The following MGMT variants were observed in gnomAD, a reference collection of about 807,000 sequenced individuals.
MGMT encodes the protein methylated-DNA--protein-cysteine methyltransferase.
MGMT carries 14 observed loss-of-function variants against 15.9 expected under a neutral mutation model. The ratio of observed to expected loss-of-function variants is 0.88; its 90% CI spans 0.58 to 1.37. The LOEUF (loss-of-function observed/expected upper bound fraction) is 1.37, where lower values mean the gene tolerates loss of function less well. Ranked by LOEUF, MGMT falls within the 40% of genes most tolerant of loss-of-function variation. The probability of loss-of-function intolerance (pLI) is 0.00; values close to 1 mark genes in which losing one functional copy is unlikely to be tolerated. For missense variants in MGMT, 282 were observed against 268.1 expected (o/e 1.05, Z -0.36); for synonymous variants, 130 against 118.2 (o/e 1.10, Z -0.65).
intron 2 of MGMT, among the ~76,000 whole-genome samples, chr10:129,655,116 C>G (rs1452222440): frequency 6.6e-6 from 1 of 152,160 alleles, no homozygotes. Flanking sequence ...GTGCACCCAC[C>G]CGGAGGTATG....
Position 129,569,332 on chromosome 10 carries a change from G to A in MGMT, c.125+32955G>A, listed in dbSNP as rs558054168. 5.9e-5 allele frequency among the ~76,000 whole-genome samples: 9 copies of A among 152,318 alleles called. No homozygotes were observed. In the South Asian group the frequency reaches 1.2e-3, roughly 21 times the overall value. Reference sequence around the variant, plus strand: ...GGAAATAGTGACAACAGTAGTTGGCGTTGTCATCCTGTTTACGGCTAGCCT... The same window carrying A: ...GGAAATAGTGACAACAGTAGTTGGCATTGTCATCCTGTTTACGGCTAGCCT... On this transcript the variant is annotated intron_variant, in intron 2 of 4. Transcript: ENST00000651593.
intron 3 of MGMT, among the ~76,000 whole-genome samples, chr10:129,742,139 G>C (rs1023978777): frequency 6.6e-6 from 1 of 152,214 alleles, no homozygotes; most frequent in African/African-American, 2.4e-5. Context: ...TGGCTCGAGC[G>C]CTGAGCTGCA....
rs116644869 is a variant in MGMT at position 129,613,661 on chromosome 10, T to C, written c.125+77284T>C. ...TGTTTTAATAAAAAGGTCTAAAACA[T>C]TTACCATTTAAATGAGCCTCCCTTC... is the stretch of plus-strand genomic sequence containing the variant. On this transcript the variant is annotated intron_variant, in intron 2 of 4. Coordinates refer to ENST00000651593, the MANE Select transcript of MGMT (RefSeq NM_002412.5). 4.0e-3 allele frequency among the ~76,000 whole-genome samples: 609 copies of C among 152,344 alleles called. 5 individuals are homozygous for C. The highest frequency in any genetic ancestry group is 0.014 in the African/African-American group (578 of 41,580).
Position 129,728,135 on chromosome 10 carries a change from G to A in MGMT, c.274+20092G>A, listed in dbSNP as rs369838636. On this transcript the variant is annotated intron_variant, in intron 3 of 4. Transcript: ENST00000651593. ...GGTGCTGGGTGAGAGAGGGAGGAGG[G>A]GACATGGAGCCAGCACCAGGGGACA... is the stretch of plus-strand genomic sequence containing the variant. Among the ~76,000 whole-genome samples, 5 of 152,128 alleles carry A rather than the reference G, an allele frequency of 3.3e-5. No homozygotes were observed. The East Asian group carries it at 5.8e-4, about 18-fold the overall frequency.
intron 2 of MGMT, among the ~76,000 whole-genome samples, chr10:129,686,651 C>G (rs1458555648): frequency 6.6e-6 from 1 of 152,218 alleles, no homozygotes; most frequent in Non-Finnish European, 1.5e-5. Flanking sequence ...ACATGTGCCA[C>G]CGTGCCCGGC....
intron 1 of MGMT, among the ~76,000 whole-genome samples, chr10:129,479,888 T>C (rs976020376): frequency 1.3e-5 from 2 of 152,150 alleles, no homozygotes; most frequent in Non-Finnish European, 2.9e-5. Flanking sequence ...TTAAAACTTA[T>C]GAGGGATCCC....
intron 2 of MGMT, among the ~76,000 whole-genome samples, chr10:129,680,827 G>A (rs955597675): frequency 6.6e-6 from 1 of 152,188 alleles, no homozygotes; most frequent in Admixed American, 6.5e-5. Context: ...GCCACTCCGT[G>A]AGGGTAGATG....
chr10:129,648,624 T>C lies in MGMT; in HGVS notation c.126-59271T>C, dbSNP rs915793427. On this transcript the variant is annotated intron_variant, in intron 2 of 4. Transcript: ENST00000651593. ...GTTTAACATTGATTTCTAAAAGAAA[T>C]GATTCTGACTTTGCCGCTAAGTTTC... Among the ~76,000 whole-genome samples, 6 of 152,360 alleles carry C rather than the reference T, an allele frequency of 3.9e-5. No individual in the cohort carries two copies. In the East Asian group the frequency reaches 1.2e-3, roughly 29 times the overall value.
intron 3 of MGMT, among the ~76,000 whole-genome samples, chr10:129,741,722 C>T (rs1487768178): frequency 6.6e-6 from 1 of 152,238 alleles, no homozygotes; most frequent in African/African-American, 2.4e-5. Context: ...ACTCAGCTTT[C>T]TCATGCATCC....
chr10:129,768,697 C>T lies in MGMT; in HGVS notation c.*1700C>T, dbSNP rs1255810527. 4 of 152,318 alleles carry T rather than the reference C, an allele frequency of 2.6e-5. No individual in the cohort carries two copies. The highest frequency in any genetic ancestry group is 2.1e-4 in the South Asian group (1 of 4,836). 9.4% of individuals were successfully genotyped at this position (152,318 alleles called of 1,614,324 possible). A position where few individuals can be genotyped will look rare whatever the true frequency, so the allele number is the denominator to read the frequency against. The stretch of plus-strand genomic sequence containing the variant: ...GGCCTGGTGGCCCGGGTGTGCGAGC[C>T]GCGAGTGCTTTCCAACAGAGGGCAC... On this transcript the variant is annotated 3_prime_UTR_variant, in exon 5 of 5. Transcript: ENST00000651593.
chr10:129,641,190 A>C (rs1847324572), intron 2 of MGMT, among the ~76,000 whole-genome samples: 1 of 152,244 alleles, frequency 6.6e-6, no homozygotes, highest in African/African-American at 2.4e-5. Flanking sequence ...TGAATATTGG[A>C]TACTAAAATT....
chr10:129,517,493 C>G (rs1845751486), intron 1 of MGMT, among the ~76,000 whole-genome samples: 1 of 152,224 alleles, frequency 6.6e-6, no homozygotes, highest in Non-Finnish European at 1.5e-5. Flanking sequence ...CTTTCTCTAC[C>G]TCGGTTTACC....
intron 2 of MGMT, among the ~76,000 whole-genome samples, chr10:129,618,849 G>A (rs1451657496): frequency 1.3e-5 from 1 of 78,306 alleles, no homozygotes; most frequent in Non-Finnish European, 3.4e-5. Context: ...TATGCTGTGA[G>A]TTTGCTGAAC....
At chr10:129,626,505 C>G (rs1435926404) in intron 2 of MGMT, among the ~76,000 whole-genome samples, 4 of 152,148 alleles carry the variant, frequency 2.6e-5, no homozygotes, top group Admixed American at 6.5e-5. Flanking sequence ...CCAGCCCGAG[C>G]CCCGCGGCAT....
At chr10:129,715,168 TTA>T (rs954108146) in intron 3 of MGMT, among the ~76,000 whole-genome samples, 6 of 152,240 alleles carry the variant, frequency 3.9e-5, no homozygotes, top group Non-Finnish European at 2.9e-5. Context: ...TGTAAAATTA[TTA>T]TGAGTGCTGC....
chr10:129,672,398 A>G (rs571171802), intron 2 of MGMT, among the ~76,000 whole-genome samples: 2 of 152,350 alleles, frequency 1.3e-5, no homozygotes, highest in African/African-American at 4.8e-5. Context: ...CAACAGTTTC[A>G]GAATGTTCTC....
intron 2 of MGMT, among the ~76,000 whole-genome samples, chr10:129,637,755 T>C (rs954525863): frequency 6.6e-6 from 1 of 152,108 alleles, no homozygotes; most frequent in East Asian, 1.9e-4. Context: ...GGCACAGATA[T>C]ACCATAGGCT....
intron 1 of MGMT, among the ~76,000 whole-genome samples, chr10:129,468,622 C>CGTGA (rs1845197398): frequency 6.6e-6 from 1 of 151,942 alleles, no homozygotes; most frequent in African/African-American, 2.4e-5. Context: ...CAGTGGGTCA[C>CGTGA]GCCTGTAATC....
At chr10:129,754,598 C>T (rs556713887) in intron 3 of MGMT, among the ~76,000 whole-genome samples, 1 of 152,370 alleles carries the variant, frequency 6.6e-6, no homozygotes, top group African/African-American at 2.4e-5. Flanking sequence ...TATAACAACA[C>T]TGCCATCTAG....
Sources: gnomAD v4.1 joint callset for allele counts (sites outside exome capture counted in the v4.1 genomes callset) on GRCh38, gnomAD v4.1.1 for gene constraint, MANE v1.5 for transcripts, NCBI Gene and HGNC (gene_info 2026-07-23, HGNC 2026-07-21) for gene names.